Variants in ROBO2 observed in about 807,000 individuals in gnomAD.
ROBO2 encodes the protein roundabout guidance receptor 2.
A neutral mutation model predicts 160.8 loss-of-function variants in ROBO2; 53 were observed. The observed-to-expected ratio is 0.33, with a 90% confidence interval of 0.26 to 0.41. The LOEUF (loss-of-function observed/expected upper bound fraction) is 0.41, where lower values mean the gene tolerates loss of function less well. Ranked by LOEUF, ROBO2 falls within the 10% of genes least tolerant of loss-of-function variation. The pLI, the probability that ROBO2 is intolerant of heterozygous loss-of-function variation, is 1.00. For synonymous variants in ROBO2, 664 were observed against 611.7 expected (o/e 1.09, Z -1.26); for missense variants, 1,577 against 1,722.4 (o/e 0.92, Z 1.49).
At chr3:76,222,364 T>C (rs1704020783) in intron 2 of ROBO2, among the ~76,000 whole-genome samples, 3 of 152,060 alleles carry the variant, frequency 2.0e-5, no homozygotes. Flanking sequence ...GGAAAGAAAG[T>C]ATACTTGGAA....
At chr3:77,597,206 A>T (rs950073253) in intron 19 of ROBO2, among the ~76,000 whole-genome samples, 1 of 152,100 alleles carries the variant, frequency 6.6e-6, no homozygotes, top group Non-Finnish European at 1.5e-5. Flanking sequence ...GCCCTCATAT[A>T]ATATGTCATG....
chr3:76,524,369 G>A (rs2107939575), intron 2 of ROBO2, among the ~76,000 whole-genome samples: 1 of 152,022 alleles, frequency 6.6e-6, no homozygotes, highest in Non-Finnish European at 1.5e-5. Context: ...CTGCTAAAAT[G>A]ACAAATAACC....
At chr3:76,383,865 G>C (rs1363721426) in intron 2 of ROBO2, among the ~76,000 whole-genome samples, 1 of 152,198 alleles carries the variant, frequency 6.6e-6, no homozygotes, top group Non-Finnish European at 1.5e-5. Flanking sequence ...GGTTACATGA[G>C]AGACTCTGAA....
intron 2 of ROBO2, among the ~76,000 whole-genome samples, chr3:76,357,354 T>C (rs2075235583): frequency 6.6e-6 from 1 of 151,900 alleles, no homozygotes; most frequent in South Asian, 2.1e-4. Flanking sequence ...AATCAAATAC[T>C]ACTCAGCAAT....
intron 2 of ROBO2, among the ~76,000 whole-genome samples, chr3:77,219,403 A>G (rs2085422910): frequency 7.0e-6 from 1 of 142,512 alleles, no homozygotes; most frequent in Non-Finnish European, 1.5e-5. Flanking sequence ...TAAAATTTTG[A>G]GAGAATCATC....
At chr3:76,206,602 C>T (rs1266192947) in intron 2 of ROBO2, among the ~76,000 whole-genome samples, 1 of 152,114 alleles carries the variant, frequency 6.6e-6, no homozygotes, top group East Asian at 1.9e-4. Flanking sequence ...TATAGACACT[C>T]CCATGTGTGA....
intron 2 of ROBO2, among the ~76,000 whole-genome samples, chr3:76,729,885 G>A (rs537599659): frequency 6.6e-6 from 1 of 152,074 alleles, no homozygotes; most frequent in South Asian, 2.1e-4. Flanking sequence ...TGATCCACCC[G>A]CCTCAGCTTC....
At chr3:77,184,370 AC>A (rs1227559034) in intron 2 of ROBO2, among the ~76,000 whole-genome samples, 1 of 152,074 alleles carries the variant, frequency 6.6e-6, no homozygotes, top group African/African-American at 2.4e-5. Flanking sequence ...TTAGAAGTGG[AC>A]TTTGCCATTA....
intron 2 of ROBO2, among the ~76,000 whole-genome samples, chr3:76,660,537 T>A (rs529213634): frequency 6.6e-6 from 1 of 152,032 alleles, no homozygotes; most frequent in Non-Finnish European, 1.5e-5. Flanking sequence ...TTCAAGGGCA[T>A]GATTATAATT....
rs115993284 is a variant in ROBO2, at chr3:76,414,314, C to A, written c.109+476712C>A. Reference sequence around the variant, plus strand: ...AGCTTTCAAAGTATTATAAAATTAACACTCAACTCTCTATTTTCAAATTGT... The same window carrying A: ...AGCTTTCAAAGTATTATAAAATTAAAACTCAACTCTCTATTTTCAAATTGT... On this transcript the variant is annotated intron_variant, in intron 2 of 26. Transcript: ENST00000487694. 3.5e-3 allele frequency among the ~76,000 whole-genome samples: 540 copies of A among 152,120 alleles called. 2 individuals carry two copies. The highest frequency in any genetic ancestry group is 0.012 in the African/African-American group (512 of 41,498).
chr3:77,309,054 G>A (rs1401403386), intron 2 of ROBO2, among the ~76,000 whole-genome samples: 1 of 74,976 alleles, frequency 1.3e-5, no homozygotes, highest in Non-Finnish European at 2.8e-5. Context: ...CTGAGATTCG[G>A]CTATTTATTG....
At chr3:77,079,639 T>C (rs1284471443) in intron 1 of ROBO2, among the ~76,000 whole-genome samples, 2 of 152,212 alleles carry the variant, frequency 1.3e-5, no homozygotes, top group Admixed American at 1.3e-4. Flanking sequence ...TCATATGTTC[T>C]TAGTCCCTTC....
chr3:77,276,920 C>T (rs1259773866), intron 2 of ROBO2, among the ~76,000 whole-genome samples: 3 of 152,116 alleles, frequency 2.0e-5, no homozygotes, highest in African/African-American at 7.2e-5. Flanking sequence ...TCATAAGACG[C>T]ATTTACTACC....
In ROBO2 at chr3:75,974,883, A is replaced by AT. The variant is rs2065093827; in HGVS notation, c.109+37281_109+37282insT. On this transcript the variant is annotated intron_variant, in intron 2 of 26. Transcript: ENST00000487694. ...GGAAAATAGTTTGTTGATCCCATGT[A>AT]GAACATACAGAGATGTGTGTTTATA... Among the ~76,000 whole-genome samples, 3 of 151,536 alleles carry AT rather than the reference A, an allele frequency of 2.0e-5. No homozygotes were observed. In the Admixed American group the frequency reaches 2.0e-4, roughly 10 times the overall value.
At chr3:77,546,969 T>C (rs2092721139) in intron 7 of ROBO2, among the ~76,000 whole-genome samples, 1 of 152,080 alleles carries the variant, frequency 6.6e-6, no homozygotes, top group Non-Finnish European at 1.5e-5. Flanking sequence ...GTAGGATAAA[T>C]CTTTTCCTTC....
intron 2 of ROBO2, among the ~76,000 whole-genome samples, chr3:76,661,033 G>C (rs1325201366): frequency 6.6e-6 from 1 of 152,160 alleles, no homozygotes; most frequent in Non-Finnish European, 1.5e-5. Context: ...AAAGTAATGA[G>C]AAATGAATAA....
chr3:77,376,154 CTTT>C (rs11425201), intron 2 of ROBO2, among the ~76,000 whole-genome samples: 3 of 115,542 alleles, frequency 2.6e-5, no homozygotes, highest in African/African-American at 3.4e-5. Context: ...ATTTAACTTT[CTTT>C]TTTTTTTTTT....
intron 2 of ROBO2, among the ~76,000 whole-genome samples, chr3:76,362,416 A>G (rs935882248): frequency 1.3e-5 from 2 of 152,050 alleles, no homozygotes; most frequent in Admixed American, 1.3e-4. Context: ...GATCATAGGG[A>G]TCATGATGGT....
At chr3:76,238,065 A>T (rs1454488774) in intron 2 of ROBO2, among the ~76,000 whole-genome samples, 1 of 152,204 alleles carries the variant, frequency 6.6e-6, no homozygotes, top group Non-Finnish European at 1.5e-5. Context: ...GTACTATGGC[A>T]AAAAGGTCTG....
Sources: allele counts gnomAD v4.1 joint callset (sites outside exome capture counted in the v4.1 genomes callset), GRCh38; gene constraint gnomAD v4.1.1; transcripts MANE v1.5; gene names NCBI Gene and HGNC (gene_info 2026-07-23, HGNC 2026-07-21).